The following HERC5 variants were observed in gnomAD, a reference collection of about 807,000 sequenced individuals.
HERC5 encodes the protein E3 ISG15--protein ligase HERC5.
In HERC5, 99 loss-of-function variants were observed where a neutral mutation model predicts 119.6. The observed-to-expected ratio is 0.83, with a 90% CI of 0.70 to 0.98. The LOEUF is 0.98. HERC5 is among the 50% of genes least tolerant of loss of function. The pLI is 0.00. For missense variants in HERC5, 1,267 were observed against 1,241.3 expected (o/e 1.02, Z -0.31); for synonymous variants, 478 against 445.9 (o/e 1.07, Z -0.91).
At chr4:88,473,195 C>A (rs1012792515) in intron 11 of HERC5, 1 of 151,494 alleles carries the variant, frequency 6.6e-6, no homozygotes, top group African/African-American at 2.4e-5. Context: ...TTATTATTTC[C>A]CTATTTTATT....
chr4:88,475,322 TTC>T lies in HERC5; in HGVS notation c.1393-517_1393-516del, dbSNP rs1402509444. On this transcript the variant is annotated intron_variant, in intron 11 of 22. Transcript: ENST00000264350. The stretch of plus-strand genomic sequence containing the variant: ...CACATGTTTTTTTCTTTTTCTTTCT[TTC>T]TTTTTTTTTTTTTTTTTTGAGATGG... 2.7e-5 allele frequency among the ~76,000 whole-genome samples: 4 copies of T among 148,488 alleles called. No homozygotes were observed. In the South Asian group the frequency reaches 6.5e-4, roughly 24 times the overall value.
intron 14 of HERC5, 83 bp downstream of exon 14, chr4:88,486,311 T>C (rs948792987): frequency 1.3e-6 from 1 of 746,246 alleles, no homozygotes. Flanking sequence ...AATTGCACAA[T>C]AGAAATAGCA....
rs199516439 is a variant in HERC5 at position 88,505,822 on chromosome 4, G to C, written c.3019G>C (p.Glu1007Gln). 10 of 1,613,730 alleles carry C rather than the reference G, an allele frequency of 6.2e-6. No homozygotes were observed. In the East Asian group the frequency reaches 2.2e-4, roughly 36 times the overall value. ...CTTCCTCCCTAAATATTCTACAATGGAAACAGTTGAAGAAGCGCTTCAAGA... is the reference window on the plus strand; with the variant it reads ...CTTCCTCCCTAAATATTCTACAATGCAAACAGTTGAAGAAGCGCTTCAAGA... ...VLFLPKYSTMETVEEALQEAI... is the reference protein window; with the variant it reads ...VLFLPKYSTMQTVEEALQEAI... Residue 1007 changes from glutamate to glutamine, a missense_variant, in exon 23 of 23, where the codon GAA (glutamate) becomes CAA (glutamine). Around this residue, in one of 3 missense-constraint regions of HERC5, gnomAD observed 473 missense variants for 445.7 expected, o/e 1.06. Coordinates refer to ENST00000264350, the MANE Select transcript of HERC5 (RefSeq NM_016323.4).
chr4:88,492,707 C>T (rs1741684039), intron 16 of HERC5, among the ~76,000 whole-genome samples: 1 of 152,110 alleles, frequency 6.6e-6, no homozygotes, highest in South Asian at 2.1e-4. Flanking sequence ...GATCAGACCA[C>T]TGCACTCCAG....
chr4:88,459,228 A>G (rs1218436343), intron 1 of HERC5, 119 bp from the exon 2 acceptor site: 1 of 768,882 alleles, frequency 1.3e-6, no homozygotes, highest in Admixed American at 3.1e-5. Context: ...GTTCATGGTA[A>G]GTCAAAGCTT....
intron 12 of HERC5, among the ~76,000 whole-genome samples, chr4:88,477,895 A>G (rs907148221): frequency 3.9e-5 from 6 of 152,268 alleles, no homozygotes; most frequent in Admixed American, 6.5e-5. Flanking sequence ...TGTTTTCTGT[A>G]AGAGTTAAAC....
At chr4:88,483,868 G>T (rs1406810386) in intron 13 of HERC5, among the ~76,000 whole-genome samples, 2 of 152,092 alleles carry the variant, frequency 1.3e-5, no homozygotes, top group East Asian at 3.9e-4. Flanking sequence ...GTAGGTTAAG[G>T]ATATTTCCCT....
In HERC5 at chr4:88,462,283, C is replaced by T; in HGVS notation, c.615C>T (p.Ala205=). Reference sequence around the variant, plus strand: ...CTGCCGGAGAAGCCCACAGCATGGCCTTATCCATGTCTGGCAACATTTATT... The same window carrying T: ...CTGCCGGAGAAGCCCACAGCATGGCTTTATCCATGTCTGGCAACATTTATT... The part of the protein sequence containing the change: ...QISAGEAHSM[A]LSMSGNIYSW... The change falls in exon 4 of 23, where the codon GCC becomes GCT. Residue 205 remains alanine, a synonymous_variant. Coordinates refer to ENST00000264350, the MANE Select transcript of HERC5 (RefSeq NM_016323.4). 1.2e-6 allele frequency: 2 copies of T among 1,614,152 alleles called. No homozygotes were observed. Among genetic ancestry groups the T allele is most frequent in the Non-Finnish European group, 1.7e-6 (2 of 1,180,024 alleles).
At position 88,463,894 on chromosome 4, in the gene HERC5, C is replaced by T. The variant is rs1450016005; in HGVS notation, c.820C>T (p.Gln274Ter). The T allele has an allele frequency of 2.5e-6, 4 of 1,613,784 alleles. No homozygotes were observed. Among genetic ancestry groups the T allele is most frequent in the Non-Finnish European group, 3.4e-6 (4 of 1,179,954 alleles). Residue 274 changes from glutamine to a stop codon, truncating the protein, a stop_gained, in exon 6 of 23, where the codon CAA becomes TAA. Transcript: ENST00000264350. LOFTEE classifies it high-confidence loss of function. The part of the protein sequence containing the change: ...LFTFGAGKHG[Q>*]LGHNSTQNEL... ...TACTTTCGGTGCTGGAAAACATGGG[C>T]AACTTGGTCATAATTCAACACAGAA...
In HERC5 at chr4:88,494,217, C is replaced by G. The variant is rs1480735839; in HGVS notation, c.2330C>G (p.Ser777Cys). ...YFFFGVLCGL[S>C]LFNCNVANLP... Reference sequence around the variant, plus strand: ...TTTTTTGGGGTTCTATGTGGACTTTCCCTGTTCAATTGCAATGTTGCCAAC... The same window carrying G: ...TTTTTTGGGGTTCTATGTGGACTTTGCCTGTTCAATTGCAATGTTGCCAAC... The change falls in exon 18 of 23, where the codon TCC becomes TGC. Residue 777 changes from serine to cysteine, a missense_variant. Physicochemically the swap from Ser to Cys is moderately radical, Grantham distance 112. Transcript: ENST00000264350. 36 of 1,612,782 alleles carry G rather than the reference C, an allele frequency of 2.2e-5. No homozygotes were observed. Among genetic ancestry groups the G allele is most frequent in the Non-Finnish European group, 3.1e-5 (36 of 1,179,524 alleles).
At chr4:88,465,615 C>G (rs755613359) in intron 6 of HERC5, among the ~76,000 whole-genome samples, 4 of 152,194 alleles carry the variant, frequency 2.6e-5, no homozygotes, top group Admixed American at 2.0e-4. Flanking sequence ...TTCTTCATTA[C>G]ATACAGTCCT....
chr4:88,487,301 A>G (rs1484044555), intron 15 of HERC5, 122 bp downstream of exon 15: 2 of 579,308 alleles, frequency 3.5e-6, no homozygotes, highest in African/African-American at 1.9e-5. Flanking sequence ...GTGGCATTCA[A>G]GGAGCTTATA....
chr4:88,475,588 T>A (rs1741034948), intron 11 of HERC5, among the ~76,000 whole-genome samples: 1 of 152,038 alleles, frequency 6.6e-6, no homozygotes, highest in African/African-American at 2.4e-5. Flanking sequence ...AAGTACTGGT[T>A]AGGTGTGCTT....
intron 12 of HERC5, among the ~76,000 whole-genome samples, chr4:88,476,776 C>T (rs1741078365): frequency 6.6e-6 from 1 of 152,044 alleles, no homozygotes; most frequent in Non-Finnish European, 1.5e-5. Context: ...CAAAAATTAA[C>T]TGGACTTGGT....
At chr4:88,480,077 A>G (rs1741229764) in intron 13 of HERC5, among the ~76,000 whole-genome samples, 1 of 151,854 alleles carries the variant, frequency 6.6e-6, no homozygotes. Context: ...AAAAAAAAAA[A>G]AAAAAAAAGA....
chr4:88,481,506 T>G (rs536263388), intron 13 of HERC5, among the ~76,000 whole-genome samples: 1 of 152,322 alleles, frequency 6.6e-6, no homozygotes, highest in African/African-American at 2.4e-5. Flanking sequence ...TTAATTTTAA[T>G]GTAGATAAAT....
chr4:88,468,277 T>C (rs1740743984), intron 7 of HERC5, 69 bp from the exon 8 acceptor site: 2 of 1,050,096 alleles, frequency 1.9e-6, no homozygotes, highest in Non-Finnish European at 2.8e-6. Flanking sequence ...TCTGAAGTTA[T>C]TTAAATTGAA....
In HERC5 at chr4:88,487,086, A is replaced by G; in HGVS notation, c.1869A>G (p.Val623=). 1 of 1,610,378 alleles carries G rather than the reference A, an allele frequency of 6.2e-7. No homozygotes were observed. The change falls in exon 15 of 23, where the codon GTA becomes GTG. Residue 623 remains valine, a synonymous_variant. Coordinates refer to ENST00000264350, the MANE Select transcript of HERC5 (RefSeq NM_016323.4). ...ATTTTTAGGACGCTTCAGAAAATGTACAATGCTGCGTCATATTCAGTCACT... is the reference window on the plus strand; with the variant it reads ...ATTTTTAGGACGCTTCAGAAAATGTGCAATGCTGCGTCATATTCAGTCACT... ...WKMTVDASEN[V]QCCVIFSHFP...
At chr4:88,502,673 A>G (rs1386290948) in intron 20 of HERC5, among the ~76,000 whole-genome samples, 1 of 152,200 alleles carries the variant, frequency 6.6e-6, no homozygotes, top group Non-Finnish European at 1.5e-5. Context: ...TAATTGCTCT[A>G]TATCCACTCT....
Sources: allele counts gnomAD v4.1 joint callset (sites outside exome capture counted in the v4.1 genomes callset), GRCh38; gene constraint gnomAD v4.1.1; regional missense constraint gnomAD v4.1.1; transcripts MANE v1.5; gene names NCBI Gene and HGNC (gene_info 2026-07-23, HGNC 2026-07-21).